STK32B: variants seen among roughly 807,000 people sequenced by gnomAD.
STK32B encodes the protein serine/threonine kinase 32B.
STK32B carries 43 observed loss-of-function variants against 52.6 expected under a neutral mutation model. That is an observed-to-expected ratio of 0.82 (90% CI 0.64 to 1.05). STK32B has a LOEUF of 1.05. Ranked by LOEUF, STK32B falls within the 50% of genes least tolerant of loss-of-function variation. The pLI, the probability that STK32B is intolerant of heterozygous loss-of-function variation, is 0.00. For missense variants in STK32B, 621 were observed against 534.6 expected (o/e 1.16, Z -1.59); for synonymous variants, 238 against 204.3 (o/e 1.17, Z -1.41).
intron 3 of STK32B, among the ~76,000 whole-genome samples, chr4:5,244,061 T>C (rs77129988): frequency 0.26 from 38,592 of 150,956 alleles, 6,020 homozygotes; most frequent in African/African-American, 0.43. Flanking sequence ...GTGTCTCTGC[T>C]CAGCTTTGGT....
chr4:5,119,076 A>G (rs1178064574), intron 1 of STK32B, among the ~76,000 whole-genome samples: 1 of 152,168 alleles, frequency 6.6e-6, no homozygotes, highest in Non-Finnish European at 1.5e-5. Flanking sequence ...ATCTGTATGA[A>G]TCTGTGTTTT....
intron 4 of STK32B, among the ~76,000 whole-genome samples, chr4:5,383,514 T>C (rs1447859734): frequency 6.6e-6 from 1 of 152,188 alleles, no homozygotes; most frequent in Non-Finnish European, 1.5e-5. Context: ...GTGAGCCAGC[T>C]CAGATGATCT....
At chr4:5,143,076 AAAAT>A (rs1176973923) in intron 2 of STK32B, among the ~76,000 whole-genome samples, 6 of 150,544 alleles carry the variant, frequency 4.0e-5, no homozygotes, top group Non-Finnish European at 7.4e-5. Context: ...CCAGTTCTTT[AAAAT>A]AAATCTGTTT....
Position 5,317,085 on chromosome 4 carries a change from TA to T in STK32B, c.261-14134del, listed in dbSNP as rs1302712221. 4.6e-4 allele frequency among the ~76,000 whole-genome samples: 18 copies of T among 38,906 alleles called. 1 individual carries two copies. The highest frequency in any genetic ancestry group is 9.8e-4 in the Admixed American group (2 of 2,046). 25.5% of individuals were successfully genotyped at this position (38,906 alleles called of 152,430 possible). On this transcript the variant is annotated intron_variant, in intron 3 of 11. Transcript: ENST00000282908. The stretch of plus-strand genomic sequence containing the variant: ...GATATAATATATTATATATTATATA[TA>T]TAATATATATGATATAATATATAAT...
At chr4:5,449,603 A>C (rs527834524) in intron 7 of STK32B, among the ~76,000 whole-genome samples, 88 of 152,274 alleles carry the variant, frequency 5.8e-4, no homozygotes, top group African/African-American at 2.0e-3. Context: ...GTGGCCTGTT[A>C]GGAACTGGCC....
At chr4:5,205,712 GT>G (rs1722529201) in intron 3 of STK32B, among the ~76,000 whole-genome samples, 1 of 84,086 alleles carries the variant, frequency 1.2e-5, no homozygotes, top group African/African-American at 2.9e-5. Context: ...GCGTGTGTGT[GT>G]GTGTGTGTGT....
chr4:5,420,270 T>A (rs994943794), intron 6 of STK32B, among the ~76,000 whole-genome samples: 19 of 152,082 alleles, frequency 1.2e-4, no homozygotes, highest in Admixed American at 6.5e-5. Flanking sequence ...AGTGAATTCA[T>A]TCACTTATAA....
chr4:5,224,046 T>C (rs1322068920), intron 3 of STK32B, among the ~76,000 whole-genome samples: 1 of 152,172 alleles, frequency 6.6e-6, no homozygotes, highest in African/African-American at 2.4e-5. Context: ...TCAGAGTAAA[T>C]CTCACCTTTG....
At chr4:5,343,620 C>T (rs899688152) in intron 4 of STK32B, among the ~76,000 whole-genome samples, 3 of 152,182 alleles carry the variant, frequency 2.0e-5, no homozygotes, top group African/African-American at 7.2e-5. Flanking sequence ...ACTATAAAAA[C>T]CCTAGAAGAA....
intron 3 of STK32B, among the ~76,000 whole-genome samples, chr4:5,199,599 C>G (rs540987135): frequency 6.6e-6 from 1 of 151,690 alleles, no homozygotes; most frequent in Admixed American, 6.6e-5. Flanking sequence ...TTTCACTTCT[C>G]TTTGGTTTTC....
At chr4:5,319,611 C>T (rs1477401303) in intron 3 of STK32B, among the ~76,000 whole-genome samples, 1 of 152,206 alleles carries the variant, frequency 6.6e-6, no homozygotes, top group Non-Finnish European at 1.5e-5. Flanking sequence ...CACCACTCCT[C>T]TCAGCCTTTG....
At chr4:5,126,162 G>T (rs530838874) in intron 1 of STK32B, among the ~76,000 whole-genome samples, 2 of 152,170 alleles carry the variant, frequency 1.3e-5, no homozygotes, top group African/African-American at 4.8e-5. Context: ...TACAGAGAAG[G>T]CCTTACTATT....
intron 3 of STK32B, among the ~76,000 whole-genome samples, chr4:5,173,793 G>A (rs1405904984): frequency 6.6e-6 from 1 of 152,198 alleles, no homozygotes; most frequent in Non-Finnish European, 1.5e-5. Context: ...GATTTGGGGT[G>A]GAGAGTTCTG....
intron 11 of STK32B, among the ~76,000 whole-genome samples, chr4:5,475,459 G>A (rs1388990111): frequency 6.7e-6 from 1 of 148,474 alleles, no homozygotes; most frequent in Non-Finnish European, 1.5e-5. Flanking sequence ...ACTGGCTTGG[G>A]AGGCTGAGGT....
Position 5,254,836 on chromosome 4 carries a change from T to TA in STK32B, c.261-76378dup, listed in dbSNP as rs1272755552. ...TTTACCCATACATTTTGTAAGGTTG[T>TA]AAAAAATAAAGGATGAGACTCATGA... On this transcript the variant is annotated intron_variant, in intron 3 of 11. Coordinates refer to ENST00000282908, the MANE Select transcript of STK32B (RefSeq NM_018401.3). 3.9e-5 allele frequency among the ~76,000 whole-genome samples: 6 copies of TA among 152,232 alleles called. No homozygotes were observed. In the East Asian group the frequency reaches 1.2e-3, roughly 29 times the overall value.
At chr4:5,186,895 GTT>G (rs1201442579) in intron 3 of STK32B, among the ~76,000 whole-genome samples, 1 of 152,216 alleles carries the variant, frequency 6.6e-6, no homozygotes, top group Non-Finnish European at 1.5e-5. Flanking sequence ...AGTGACATGA[GTT>G]TGTTATTCTT....
chr4:5,326,991 C>A (rs1019417055), intron 3 of STK32B, among the ~76,000 whole-genome samples: 1 of 152,142 alleles, frequency 6.6e-6, no homozygotes, highest in Non-Finnish European at 1.5e-5. Context: ...CCTCTTGTGT[C>A]ATTTTAACAA....
At chr4:5,330,598 C>T (rs778263052) in intron 3 of STK32B, among the ~76,000 whole-genome samples, 11 of 152,164 alleles carry the variant, frequency 7.2e-5, no homozygotes, top group African/African-American at 1.9e-4. Context: ...GTAGCTCACT[C>T]GCATGGCAGG....
intron 1 of STK32B, among the ~76,000 whole-genome samples, chr4:5,070,628 C>T (rs1711709049): frequency 6.6e-6 from 1 of 152,166 alleles, no homozygotes; most frequent in African/African-American, 2.4e-5. Flanking sequence ...GGGCCCAATA[C>T]AATCCAAGTG....
Sources: gnomAD v4.1 joint callset for allele counts (sites outside exome capture counted in the v4.1 genomes callset) on GRCh38, gnomAD v4.1.1 for gene constraint, MANE v1.5 for transcripts, NCBI Gene and HGNC (gene_info 2026-07-23, HGNC 2026-07-21) for gene names.